Variants in ANKFN1 observed in about 807,000 individuals in gnomAD.
The protein encoded by ANKFN1 is ankyrin repeat and fibronectin type III domain containing 1, also known as ankyrin repeat and fibronectin type-III domain-containing protein 1.
Under a neutral mutation model 108.7 loss-of-function variants are expected in ANKFN1, and 74 were observed. The ratio of observed to expected loss-of-function variants is 0.68; its 90% CI spans 0.56 to 0.83. The LOEUF (loss-of-function observed/expected upper bound fraction) is 0.83. ANKFN1 is among the 40% of genes least tolerant of loss of function. The probability of loss-of-function intolerance (pLI) is 0.00; values close to 1 mark genes in which losing one functional copy is unlikely to be tolerated. For synonymous variants in ANKFN1, 547 were observed against 516.2 expected (o/e 1.06, Z -0.81); for missense variants, 1,505 against 1,382.3 (o/e 1.09, Z -1.41).
chr17:56,397,615 G>C (rs1011020807), intron 8 of ANKFN1, among the ~76,000 whole-genome samples: 2 of 152,188 alleles, frequency 1.3e-5, no homozygotes, highest in Non-Finnish European at 2.9e-5. Flanking sequence ...ATCTTGACTT[G>C]TCTGTTCTAT....
At chr17:56,103,318 G>A (rs1454066053) in intron 4 of ANKFN1, among the ~76,000 whole-genome samples, 2 of 152,232 alleles carry the variant, frequency 1.3e-5, no homozygotes, top group Admixed American at 1.3e-4. Flanking sequence ...AAAGGCGCAG[G>A]ATGGAAGGCA....
At chr17:56,160,195 C>G (rs1909516421) in intron 1 of ANKFN1, among the ~76,000 whole-genome samples, 1 of 152,190 alleles carries the variant, frequency 6.6e-6, no homozygotes, top group Admixed American at 6.5e-5. Flanking sequence ...TTATGAGGCT[C>G]TGTCCAAGTT....
At chr17:56,189,170 C>CTTTTTTTTTTTTTTTTGTTT (rs1912597546) in intron 1 of ANKFN1, among the ~76,000 whole-genome samples, 1 of 85,290 alleles carries the variant, frequency 1.2e-5, no homozygotes, top group Non-Finnish European at 1.9e-5. Context: ...GTTGCCCTGA[C>CTTTTTTTTTTTTTTTTGTTT]TTTTTTTTTT....
intron 3 of ANKFN1, among the ~76,000 whole-genome samples, chr17:56,277,538 C>A (rs951156055): frequency 6.6e-6 from 1 of 152,076 alleles, no homozygotes; most frequent in Non-Finnish European, 1.5e-5. Flanking sequence ...ATAATCCTCA[C>A]AGTACACCTG....
intron 3 of ANKFN1, among the ~76,000 whole-genome samples, chr17:56,247,230 C>T (rs1918025327): frequency 6.6e-6 from 1 of 152,152 alleles, no homozygotes; most frequent in African/African-American, 2.4e-5. Flanking sequence ...ATAAAGAAAA[C>T]TTGAAATGGT....
intron 1 of ANKFN1, among the ~76,000 whole-genome samples, chr17:56,211,320 T>C (rs1914978807): frequency 6.6e-6 from 1 of 152,228 alleles, no homozygotes; most frequent in Non-Finnish European, 1.5e-5. Flanking sequence ...CTTCTACATG[T>C]GGCTTGCCAA....
chr17:56,154,988 C>T (rs564634221), intron 1 of ANKFN1, among the ~76,000 whole-genome samples: 36 of 152,174 alleles, frequency 2.4e-4, no homozygotes, highest in Admixed American at 1.2e-3. Flanking sequence ...AGAGTTTAAA[C>T]GAGAACAGTG....
chr17:56,233,975 A>G (rs1033409447), intron 3 of ANKFN1, among the ~76,000 whole-genome samples: 15 of 152,170 alleles, frequency 9.9e-5, no homozygotes, highest in South Asian at 2.1e-4. Context: ...ACAGTTGAAT[A>G]TTTCCTCAAA....
intron 15 of ANKFN1, chr17:56,471,156 G>C (rs2050304455): frequency 6.6e-6 from 1 of 152,486 alleles, no homozygotes; most frequent in African/African-American, 2.4e-5. Context: ...GAAGTACCTT[G>C]TCAAGTCATA....
chr17:56,174,157 T>C, intron 1 of ANKFN1: 1 of 984,528 alleles, frequency 1.0e-6, no homozygotes, highest in Non-Finnish European at 1.2e-6. Flanking sequence ...CTGCATTCAT[T>C]CTCTGGAGGC....
intron 4 of ANKFN1, among the ~76,000 whole-genome samples, chr17:56,118,368 T>C (rs11079212): frequency 0.52 from 79,760 of 152,024 alleles, 21,290 homozygotes; most frequent in East Asian, 0.81. Flanking sequence ...ATGAAAGTTT[T>C]TGTTTTTCCA....
At chr17:56,504,001 T>C (rs928761305) in intron 20 of ANKFN1, among the ~76,000 whole-genome samples, 2 of 152,228 alleles carry the variant, frequency 1.3e-5, no homozygotes, top group Non-Finnish European at 1.5e-5. Context: ...GCACTTTGCA[T>C]TCTTTTCCAG....
intron 4 of ANKFN1, among the ~76,000 whole-genome samples, chr17:56,105,296 G>A (rs571467781): frequency 6.6e-6 from 1 of 152,148 alleles, no homozygotes; most frequent in African/African-American, 2.4e-5. Flanking sequence ...TGGGCTGAGA[G>A]GACAGGCAGA....
intron 4 of ANKFN1, among the ~76,000 whole-genome samples, chr17:56,126,615 A>G (rs1280375454): frequency 6.6e-6 from 1 of 152,214 alleles, no homozygotes; most frequent in Non-Finnish European, 1.5e-5. Context: ...ACCAGGGGAC[A>G]CAACAGTAGG....
intron 3 of ANKFN1, among the ~76,000 whole-genome samples, chr17:56,274,543 C>G (rs546404445): frequency 6.6e-6 from 1 of 152,228 alleles, no homozygotes; most frequent in South Asian, 2.1e-4. Flanking sequence ...AGATCAGAAA[C>G]TGAGGCTCAG....
Position 56,379,374 on chromosome 17 carries a change from G to C in ANKFN1, c.910+4660G>C, listed in dbSNP as rs1462084897. On this transcript the variant is annotated intron_variant, in intron 8 of 20. Coordinates refer to ENST00000682825, the MANE Select transcript of ANKFN1 (RefSeq NM_001370326.1). ...AGATCGTGCCACTGCACTCCAGCCT[G>C]GGTGACAGAGTGAGACTCCATCTCA... is the stretch of plus-strand genomic sequence containing the variant. Among the ~76,000 whole-genome samples the C allele has an allele frequency of 4.6e-5, 7 of 151,358 alleles. No homozygotes were observed. The East Asian group carries it at 1.4e-3, about 29-fold the overall frequency.
intron 4 of ANKFN1, among the ~76,000 whole-genome samples, chr17:56,343,563 A>G (rs2046017786): frequency 6.6e-6 from 1 of 151,796 alleles, no homozygotes; most frequent in Non-Finnish European, 1.5e-5. Context: ...ATTTTGATGT[A>G]TCTAGATGTG....
At chr17:56,214,482 T>C (rs149710188) in intron 2 of ANKFN1, among the ~76,000 whole-genome samples, 1,605 of 152,318 alleles carry the variant, frequency 0.011, 15 homozygotes, top group Middle Eastern at 0.027. Context: ...ATCTTTCTTG[T>C]ATTAAAAAAT....
In ANKFN1 at chr17:56,368,276, CTTTT is replaced by C. The variant is rs71137202; in HGVS notation, c.602-4352_602-4349del. On this transcript the variant is annotated intron_variant, in intron 6 of 20. Coordinates refer to ENST00000682825, the MANE Select transcript of ANKFN1 (RefSeq NM_001370326.1). The stretch of plus-strand genomic sequence containing the variant: ...CAAACTTGAATAAACTGAAAATGAA[CTTTT>C]TTTTTTTTTTTTTTTTTGAGAAGGA... 29 of 65,984 alleles carry C rather than the reference CTTTT, an allele frequency of 4.4e-4. 1 individual carries two copies. Among genetic ancestry groups the C allele is most frequent in the South Asian group, 2.5e-3 (3 of 1,224 alleles). The allele number at this position is 65,984 out of a possible 1,614,324, so 4.1% of individuals were successfully genotyped here.
Sources: allele counts gnomAD v4.1 joint callset (sites outside exome capture counted in the v4.1 genomes callset), GRCh38; gene constraint gnomAD v4.1.1; transcripts MANE v1.5; gene names NCBI Gene and HGNC (gene_info 2026-07-23, HGNC 2026-07-21).